Variants in TBL1XR1 observed in about 807,000 individuals in gnomAD.
TBL1XR1 encodes F-box-like/WD repeat-containing protein TBL1XR1.
TBL1XR1 carries 5 observed loss-of-function variants against 66.9 expected under a neutral mutation model. The ratio of observed to expected loss-of-function variants is 0.07; its 90% CI spans 0.04 to 0.16. The LOEUF (loss-of-function observed/expected upper bound fraction) is 0.16. Ranked by LOEUF, TBL1XR1 falls within the 10% of genes least tolerant of loss-of-function variation. The pLI is 1.00. For missense variants in TBL1XR1, 238 were observed against 623.2 expected (o/e 0.38, Z 6.58); for synonymous variants, 210 against 206.0 (o/e 1.02, Z -0.17).
At chr3:177,166,664 C>T (rs982003612) in intron 1 of TBL1XR1, among the ~76,000 whole-genome samples, 1 of 152,170 alleles carries the variant, frequency 6.6e-6, no homozygotes, top group Admixed American at 6.5e-5. Flanking sequence ...GCCTCCCCAG[C>T]CATGCAGAAC....
At chr3:177,170,344 C>T (rs1031248691) in intron 1 of TBL1XR1, among the ~76,000 whole-genome samples, 2 of 152,126 alleles carry the variant, frequency 1.3e-5, no homozygotes, top group Non-Finnish European at 2.9e-5. Flanking sequence ...CTATCCCTGG[C>T]GGTCTTTCCA....
chr3:177,167,489 T>C (rs1002849447), intron 1 of TBL1XR1, among the ~76,000 whole-genome samples: 1 of 152,214 alleles, frequency 6.6e-6, no homozygotes, highest in African/African-American at 2.4e-5. Context: ...CTTTGGGTGA[T>C]AATGATGTCA....
intron 2 of TBL1XR1, among the ~76,000 whole-genome samples, chr3:177,075,170 C>G (rs760845935): frequency 3.9e-5 from 6 of 152,224 alleles, no homozygotes; most frequent in Non-Finnish European, 7.3e-5. Flanking sequence ...AAAAGAGAGT[C>G]GTTCTATCCA....
intron 1 of TBL1XR1, among the ~76,000 whole-genome samples, chr3:177,117,078 C>T (rs907950165): frequency 6.6e-6 from 1 of 152,084 alleles, no homozygotes; most frequent in Non-Finnish European, 1.5e-5. Context: ...AGAATAAATA[C>T]TGAATATAAA....
chr3:177,189,688 T>C (rs186629464), intron 1 of TBL1XR1, among the ~76,000 whole-genome samples: 1 of 139,842 alleles, frequency 7.2e-6, no homozygotes, highest in Non-Finnish European at 1.5e-5. Flanking sequence ...ACCAAATTAG[T>C]TGCCTTTATA....
chr3:177,181,418 T>A (rs1335831764), intron 1 of TBL1XR1, among the ~76,000 whole-genome samples: 1 of 147,900 alleles, frequency 6.8e-6, no homozygotes, highest in African/African-American at 2.5e-5. Flanking sequence ...AGGTGGAGGT[T>A]ACAGTAAGCC....
At chr3:177,194,801 G>A (rs1244589538) in intron 1 of TBL1XR1, among the ~76,000 whole-genome samples, 2 of 152,106 alleles carry the variant, frequency 1.3e-5, no homozygotes, top group Non-Finnish European at 2.9e-5. Flanking sequence ...ATTAGGTGTC[G>A]AGAATACAAA....
At chr3:177,167,963 G>A (rs1157558285) in intron 1 of TBL1XR1, among the ~76,000 whole-genome samples, 1 of 152,060 alleles carries the variant, frequency 6.6e-6, no homozygotes, top group African/African-American at 2.4e-5. Context: ...TCTTAAAAAA[G>A]TGTTGTTATA....
chr3:177,106,744 G>A (rs1031425185), intron 1 of TBL1XR1, among the ~76,000 whole-genome samples: 4 of 152,118 alleles, frequency 2.6e-5, no homozygotes, highest in Non-Finnish European at 5.9e-5. Flanking sequence ...AAGACAGTCC[G>A]CTAACAGGGA....
chr3:177,161,783 C>CAAAAAAAA (rs35673622), intron 1 of TBL1XR1, among the ~76,000 whole-genome samples: 1 of 128,876 alleles, frequency 7.8e-6, no homozygotes. Context: ...GACTCTGACT[C>CAAAAAAAA]AAAAAAAAAA....
intron 2 of TBL1XR1, among the ~76,000 whole-genome samples, chr3:177,097,509 T>C (rs1577155875): frequency 6.6e-6 from 1 of 152,276 alleles, no homozygotes; most frequent in African/African-American, 2.4e-5. Flanking sequence ...CAAAGATTCA[T>C]AGTATATTCA....
chr3:177,145,282 G>A (rs1021998383), intron 1 of TBL1XR1, among the ~76,000 whole-genome samples: 7 of 152,162 alleles, frequency 4.6e-5, no homozygotes, highest in Admixed American at 2.0e-4. Context: ...GAACAGAAAA[G>A]CTCATTTATG....
chr3:177,037,838 C>T, intron 12 of TBL1XR1: 1 of 336,104 alleles, frequency 3.0e-6, no homozygotes, highest in Non-Finnish European at 5.5e-6. Flanking sequence ...TCTGGAGAGC[C>T]CTAACTAATA....
At chr3:177,076,544 A>G (rs1329567543) in intron 2 of TBL1XR1, among the ~76,000 whole-genome samples, 1 of 152,216 alleles carries the variant, frequency 6.6e-6, no homozygotes, top group Admixed American at 6.5e-5. Flanking sequence ...TTAGGAGGAT[A>G]CAATTCAATC....
At chr3:177,044,360 A>G (rs1716028294) in intron 10 of TBL1XR1, among the ~76,000 whole-genome samples, 1 of 152,174 alleles carries the variant, frequency 6.6e-6, no homozygotes, top group African/African-American at 2.4e-5. Context: ...ACTAATAGCC[A>G]GCTGCTGATT....
chr3:177,177,818 A>C (rs1045838286), intron 1 of TBL1XR1, among the ~76,000 whole-genome samples: 2 of 152,170 alleles, frequency 1.3e-5, no homozygotes, highest in African/African-American at 2.4e-5. Context: ...AGACAGAATG[A>C]CACATAAAAT....
At chr3:177,196,224 G>A (rs970547619) in intron 1 of TBL1XR1, 1 of 152,116 alleles carries the variant, frequency 6.6e-6, no homozygotes, top group African/African-American at 2.4e-5. Flanking sequence ...ATAAAAGTCT[G>A]CTTCTGTTCA....
At chr3:177,025,622 C>A in intron 15 of TBL1XR1, 98 bp from the exon 16 acceptor site, 1 of 1,172,712 alleles carries the variant, frequency 8.5e-7, no homozygotes, top group South Asian at 1.4e-5. Context: ...TTTCTTAGTT[C>A]CAAGTTTATA....
At chr3:177,128,021 C>T (rs1727849359) in intron 1 of TBL1XR1, among the ~76,000 whole-genome samples, 1 of 152,060 alleles carries the variant, frequency 6.6e-6, no homozygotes, top group African/African-American at 2.4e-5. Context: ...GAGTTCGAGA[C>T]CAGCCTGGCC....
Sources: gnomAD v4.1 joint callset for allele counts (sites outside exome capture counted in the v4.1 genomes callset) on GRCh38, gnomAD v4.1.1 for gene constraint, MANE v1.5 for transcripts, NCBI Gene and HGNC (gene_info 2026-07-23, HGNC 2026-07-21) for gene names.